Variants in SIRT2 observed in about 807,000 individuals in gnomAD.
SIRT2 encodes NAD-dependent protein deacetylase sirtuin-2.
A neutral mutation model predicts 57.4 loss-of-function variants in SIRT2; 40 were observed. The ratio of observed to expected loss-of-function variants is 0.70; its 90% CI spans 0.54 to 0.91. SIRT2 has a LOEUF of 0.91. Ranked by LOEUF, SIRT2 falls within the 40% of genes least tolerant of loss-of-function variation. SIRT2 has a pLI of 0.00. For synonymous variants in SIRT2, 161 were observed against 195.7 expected (o/e 0.82, Z 1.48); for missense variants, 439 against 510.4 (o/e 0.86, Z 1.35).
intron 8 of SIRT2, among the ~76,000 whole-genome samples, chr19:38,886,387 T>A (rs1973337859): frequency 6.6e-6 from 1 of 152,080 alleles, no homozygotes; most frequent in African/African-American, 2.4e-5. Flanking sequence ...AGTAAGCAAA[T>A]AACTGAACAG....
chr19:38,883,757 C>T lies in SIRT2; in HGVS notation c.502-1G>A. 7 of 1,613,824 alleles carry T rather than the reference C, an allele frequency of 4.3e-6. No individual in the cohort carries two copies. Among genetic ancestry groups the T allele is most frequent in the Non-Finnish European group, 4.2e-6 (5 of 1,179,832 alleles). On this transcript the variant is annotated splice_acceptor_variant, in intron 8 of 15. Coordinates refer to ENST00000249396, the MANE Select transcript of SIRT2 (RefSeq NM_012237.4). LOFTEE classifies it high-confidence loss of function. ...CTATTCGCTCCAGGGTATCTATGTT[C>T]TAGAGGGAGAGATGGAGGGAAGAGG...
rs1973108517 is a variant in SIRT2, at chr19:38,880,378, C to A, written c.876+307G>T. On this transcript the variant is annotated intron_variant, in intron 13 of 15. Coordinates refer to ENST00000249396, the MANE Select transcript of SIRT2 (RefSeq NM_012237.4). This position sits in a 1 kb window ranked among gnomAD's most constrained non-coding sequence, Gnocchi z 4.1. ...AAAAACAGACCTGAGAGACCCAGAG[C>A]GTGGACCCAACCCCGCCCCCCGCAC... 2.9e-6 allele frequency: 1 copy of A among 344,378 alleles called. No homozygotes were observed. Among genetic ancestry groups the A allele is most frequent in the African/African-American group, 2.1e-5 (1 of 47,124 alleles). 21.3% of individuals were successfully genotyped at this position (344,378 alleles called of 1,614,324 possible).
intron 8 of SIRT2, among the ~76,000 whole-genome samples, chr19:38,884,108 T>TAAA (rs61351914): frequency 3.4e-5 from 4 of 116,092 alleles, no homozygotes; most frequent in Admixed American, 8.7e-5. Flanking sequence ...TACAAAAAAT[T>TAAA]AAAAAAAAAA....
At chr19:38,886,258 C>G (rs1392786411) in intron 8 of SIRT2, among the ~76,000 whole-genome samples, 1 of 152,182 alleles carries the variant, frequency 6.6e-6, no homozygotes, top group Admixed American at 6.5e-5. Context: ...TGTTCCCACA[C>G]GCCCTGTAAC....
At position 38,881,501 on chromosome 19, in the gene SIRT2, G is replaced by C; in HGVS notation, c.632-10C>G. 6.2e-7 allele frequency: 1 copy of C among 1,612,758 alleles called. No individual in the cohort carries two copies. The highest frequency in any genetic ancestry group is 8.5e-7 in the Non-Finnish European group (1 of 1,178,958). ...TCAGAGAAGATCTTCTCTGGGTATG[G>C]GGAAGGGGAAGAAAGAGAAGGCAGT... On this transcript the variant is annotated splice_polypyrimidine_tract_variant and intron_variant, in intron 9 of 15. Transcript: ENST00000249396.
rs748401916 is a variant in SIRT2, at chr19:38,879,216, T to C, written c.1109A>G (p.Lys370Arg). Residue 370 changes from lysine (K) to arginine (R), a missense_variant, in exon 16 of 16, where the codon AAG (lysine) becomes AGG (arginine). Coordinates refer to ENST00000249396, the MANE Select transcript of SIRT2 (RefSeq NM_012237.4). The part of the protein sequence containing the change: ...VPNPSTSASP[K>R]KSPPPAKDEA... ...GTCCTTGGCAGGTGGCGGGGACTTCTTGGGGGAAGCTGAAGTGCTGGGGTT... is the reference window on the plus strand; with the variant it reads ...GTCCTTGGCAGGTGGCGGGGACTTCCTGGGGGAAGCTGAAGTGCTGGGGTT... The C allele has an allele frequency of 5.6e-6, 9 of 1,593,458 alleles. No individual in the cohort carries two copies. Among genetic ancestry groups the C allele is most frequent in the Non-Finnish European group, 5.1e-6 (6 of 1,174,484 alleles).
At chr19:38,886,455 T>G (rs1040644135) in intron 8 of SIRT2, among the ~76,000 whole-genome samples, 2 of 151,560 alleles carry the variant, frequency 1.3e-5, no homozygotes, top group South Asian at 2.1e-4. Flanking sequence ...CAACATGGTT[T>G]TTTTTTTTTT....
intron 2 of SIRT2, among the ~76,000 whole-genome samples, chr19:38,897,602 G>A (rs111773962): frequency 1.3e-5 from 2 of 151,526 alleles, no homozygotes; most frequent in African/African-American, 4.9e-5. Context: ...GGCACACTAC[G>A]GCCTTAACCT....
At chr19:38,881,206 G>A (rs371960939) in intron 10 of SIRT2, 51 bp from the exon 11 acceptor site, 86 of 1,574,338 alleles carry the variant, frequency 5.5e-5, no homozygotes, top group Middle Eastern at 3.4e-4. Flanking sequence ...GGGAGGCAGA[G>A]AGGACAGGTG....
Position 38,878,730 on chromosome 19 carries a change from A to C in SIRT2, c.*425T>G. The C allele has an allele frequency of 6.3e-6, 1 of 159,156 alleles. No individual in the cohort carries two copies. Among genetic ancestry groups the C allele is most frequent in the Non-Finnish European group, 1.4e-5 (1 of 72,772 alleles). 9.9% of individuals were successfully genotyped at this position (159,156 alleles called of 1,614,324 possible). A position where few individuals can be genotyped will look rare whatever the true frequency, so the allele number is the denominator to read the frequency against. On this transcript the variant is annotated 3_prime_UTR_variant, in exon 16 of 16. Transcript: ENST00000249396. ...TCCCCCTACGCTGGGTGTGGGTTATATTCAGAGGCCCACACCCACACTGGG... is the reference window on the plus strand; with the variant it reads ...TCCCCCTACGCTGGGTGTGGGTTATCTTCAGAGGCCCACACCCACACTGGG...
At chr19:38,899,437 C>T in intron 1 of SIRT2, 69 bp downstream of exon 1, 11 of 1,586,920 alleles carry the variant, frequency 6.9e-6, no homozygotes, top group South Asian at 1.1e-5. Context: ...CACCCTTGGG[C>T]CCCGGGGCCT....
At chr19:38,888,761 A>C (rs971176016) in intron 8 of SIRT2, among the ~76,000 whole-genome samples, 1 of 152,228 alleles carries the variant, frequency 6.6e-6, no homozygotes, top group Non-Finnish European at 1.5e-5. Context: ...TATAGTGCAC[A>C]CAGAGTCCCT....
chr19:38,898,455 T>A, intron 1 of SIRT2, 30 bp from the exon 2 acceptor site: 1 of 1,448,906 alleles, frequency 6.9e-7, no homozygotes. Flanking sequence ...GTGGTTACAG[T>A]GGGGAGAACG....
Position 38,890,153 on chromosome 19 carries a change from G to A in SIRT2, c.227-9C>T. The A allele has an allele frequency of 1.2e-6, 2 of 1,614,178 alleles. No homozygotes were observed. Among genetic ancestry groups the A allele is most frequent in the South Asian group, 2.2e-5 (2 of 91,088 alleles). ...ACAGATGACTCTGCGACCTGGAGGAGAGGAACTTATGCACCATATGACACC... is the reference window on the plus strand; with the variant it reads ...ACAGATGACTCTGCGACCTGGAGGAAAGGAACTTATGCACCATATGACACC... On this transcript the variant is annotated splice_polypyrimidine_tract_variant and intron_variant, in intron 4 of 15. Coordinates refer to ENST00000249396, the MANE Select transcript of SIRT2 (RefSeq NM_012237.4).
intron 8 of SIRT2, among the ~76,000 whole-genome samples, 154 bp downstream of exon 8, chr19:38,888,933 G>C (rs1973428677): frequency 6.6e-6 from 1 of 152,238 alleles, no homozygotes; most frequent in Non-Finnish European, 1.5e-5. Flanking sequence ...ACTCACGGCA[G>C]GTCATGCAGC....
At chr19:38,883,392 T>A (rs574285444) in intron 9 of SIRT2, among the ~76,000 whole-genome samples, 1 of 152,130 alleles carries the variant, frequency 6.6e-6, no homozygotes, top group East Asian at 1.9e-4. Flanking sequence ...CCTGGCCTAC[T>A]ATCATATATT....
chr19:38,891,351 C>A (rs936139241), intron 4 of SIRT2, among the ~76,000 whole-genome samples: 15 of 152,094 alleles, frequency 9.9e-5, no homozygotes, highest in Admixed American at 2.6e-4. Flanking sequence ...GAGTTCAAGA[C>A]CAGCCTGGCT....
Position 38,899,597 on chromosome 19 carries a change from C to T in SIRT2, c.-76G>A. 6.3e-7 allele frequency: 1 copy of T among 1,590,008 alleles called. No individual in the cohort carries two copies. The highest frequency in any genetic ancestry group is 8.6e-7 in the Non-Finnish European group (1 of 1,158,796). On this transcript the variant is annotated 5_prime_UTR_variant, in exon 1 of 16. Transcript: ENST00000249396. The stretch of plus-strand genomic sequence containing the variant: ...ACCAACCACTGTGTCCCGTCACCGA[C>T]TGCTCTGTCCTGTCACCGACTGCTC...
At position 38,880,985 on chromosome 19, in the gene SIRT2, C is replaced by G. The variant is rs1973132683; in HGVS notation, c.748-88G>C. On this transcript the variant is annotated intron_variant, in intron 11 of 15. Transcript: ENST00000249396. The surrounding 1 kb of genome is among the most constrained non-coding windows in gnomAD (Gnocchi z 4.1). Reference sequence around the variant, plus strand: ...CCCCCAGCAGCAAACCTCCCTGCCGCCCCCCATAGCTGGGGAGGTGACCTT... The same window carrying G: ...CCCCCAGCAGCAAACCTCCCTGCCGGCCCCCATAGCTGGGGAGGTGACCTT... 6.5e-7 allele frequency: 1 copy of G among 1,539,280 alleles called. No homozygotes were observed. Among genetic ancestry groups the G allele is most frequent in the Non-Finnish European group, 8.9e-7 (1 of 1,119,826 alleles).
Sources: gnomAD v4.1 joint callset for allele counts (sites outside exome capture counted in the v4.1 genomes callset) on GRCh38, gnomAD v4.1.1 for gene constraint, Gnocchi (gnomAD v3.1) non-coding constraint, MANE v1.5 for transcripts, NCBI Gene and HGNC (gene_info 2026-07-23, HGNC 2026-07-21) for gene names.